The following DNMBP variants were observed in gnomAD, a reference collection of about 807,000 sequenced individuals.
DNMBP encodes the protein dynamin binding protein, also known as dynamin-binding protein.
DNMBP carries 87 observed loss-of-function variants against 150.0 expected under a neutral mutation model. That is an observed-to-expected ratio of 0.58 (90% CI 0.49 to 0.69). DNMBP has a LOEUF of 0.69. Ranked by LOEUF, DNMBP falls within the 30% of genes least tolerant of loss-of-function variation. DNMBP has a pLI of 0.00. For synonymous variants in DNMBP, 711 were observed against 750.4 expected (o/e 0.95, Z 0.86); for missense variants, 1,774 against 1,949.0 (o/e 0.91, Z 1.69).
At chr10:99,926,143 T>A (rs1367815756) in intron 4 of DNMBP, among the ~76,000 whole-genome samples, 2 of 152,188 alleles carry the variant, frequency 1.3e-5, no homozygotes, top group South Asian at 2.1e-4. Context: ...CCCCTTCTCA[T>A]CATAACCATG....
chr10:99,986,920 C>T (rs2040833723), intron 1 of DNMBP, among the ~76,000 whole-genome samples: 1 of 151,950 alleles, frequency 6.6e-6, no homozygotes, highest in Admixed American at 6.6e-5. Context: ...TTTGGGAGGC[C>T]GAGGCGGGCG....
chr10:99,927,159 A>G, intron 4 of DNMBP: 1 of 152,428 alleles, frequency 6.6e-6, no homozygotes, highest in Non-Finnish European at 1.5e-5. Flanking sequence ...AGGGGTGGCA[A>G]GGGGAAGACG....
intron 4 of DNMBP, among the ~76,000 whole-genome samples, chr10:99,942,235 T>G (rs2040308722): frequency 6.6e-6 from 1 of 152,222 alleles, no homozygotes; most frequent in Non-Finnish European, 1.5e-5. Context: ...CTCTGATTTC[T>G]TTTCTCCATA....
intron 1 of DNMBP, among the ~76,000 whole-genome samples, chr10:100,002,566 G>A (rs1208211576): frequency 6.6e-6 from 1 of 152,102 alleles, no homozygotes; most frequent in Admixed American, 6.6e-5. Context: ...CCTGAGTATG[G>A]CTCTTTCTCT....
At chr10:99,932,242 G>GC in intron 4 of DNMBP, among the ~76,000 whole-genome samples, 1 of 152,236 alleles carries the variant, frequency 6.6e-6, no homozygotes, top group East Asian at 1.9e-4. Context: ...TGCCTTATAT[G>GC]CTTTGTTAAT....
intron 3 of DNMBP, among the ~76,000 whole-genome samples, chr10:99,964,181 C>T (rs561981705): frequency 8.2e-6 from 1 of 122,432 alleles, no homozygotes; most frequent in South Asian, 2.7e-4. Context: ...CTTGCTCTGT[C>T]GCCCAGGCTG....
intron 4 of DNMBP, among the ~76,000 whole-genome samples, chr10:99,934,222 A>G (rs1036892739): frequency 1.2e-4 from 18 of 152,190 alleles, no homozygotes; most frequent in African/African-American, 4.3e-4. Context: ...ATATAAAAAT[A>G]CCAGTGTCAG....
intron 3 of DNMBP, among the ~76,000 whole-genome samples, chr10:99,961,267 C>CTTTTTTTTTTT (rs555063019): frequency 3.5e-5 from 3 of 84,724 alleles, no homozygotes; most frequent in Non-Finnish European, 4.4e-5. Context: ...TTCCCTTTTT[C>CTTTTTTTTTTT]TTTTTTTTTT....
intron 4 of DNMBP, among the ~76,000 whole-genome samples, chr10:99,926,369 C>T (rs1237625080): frequency 1.3e-5 from 2 of 152,198 alleles, no homozygotes; most frequent in African/African-American, 2.4e-5. Flanking sequence ...ACTATAGCCT[C>T]GACCTGCCAG....
At chr10:99,880,474 G>A (rs1237646550) in intron 15 of DNMBP, 113 bp from the exon 16 acceptor site, 3 of 1,373,752 alleles carry the variant, frequency 2.2e-6, no homozygotes, top group Admixed American at 2.9e-5. Flanking sequence ...AAAATGAAGA[G>A]TAAAACAAAA....
intron 1 of DNMBP, among the ~76,000 whole-genome samples, chr10:99,998,832 G>A (rs189994143): frequency 2.0e-5 from 3 of 152,164 alleles, no homozygotes; most frequent in East Asian, 3.9e-4. Flanking sequence ...TCTATAAAAC[G>A]GCAAAGGGAG....
At position 99,900,038 on chromosome 10, in the gene DNMBP, C is replaced by T. The variant is rs12260203; in HGVS notation, c.2583G>A (p.Glu861=). The stretch of plus-strand genomic sequence containing the variant: ...AGTAAATCTTGTATGTTCCCTCAAG[C>T]TCATCCCGGTGACCAAGAAACACAG... ...VGPVFLGHRD[E]LEGTYKIYCQ... Residue 861 remains glutamate, a synonymous_variant, in exon 7 of 17, where the codon GAG becomes GAA. Coordinates refer to ENST00000324109, the MANE Select transcript of DNMBP (RefSeq NM_015221.4). 1,382 of 1,614,150 alleles carry T rather than the reference C, an allele frequency of 8.6e-4. 6 individuals are homozygous for T. The African/African-American group carries it at 0.013, about 15-fold the overall frequency.
At chr10:99,888,440 A>C (rs772039065) in intron 12 of DNMBP, among the ~76,000 whole-genome samples, 2 of 152,016 alleles carry the variant, frequency 1.3e-5, no homozygotes, top group Non-Finnish European at 2.9e-5. Context: ...TGAACTCCTG[A>C]CCTCAAGGGA....
chr10:99,877,329 A>T lies in DNMBP; in HGVS notation c.4556T>A (p.Phe1519Tyr), dbSNP rs779842874. The T allele has an allele frequency of 6.2e-7, 1 of 1,610,338 alleles. No homozygotes were observed. The highest frequency in any genetic ancestry group is 2.2e-5 in the East Asian group (1 of 44,670). ...GSEAEGNQVYFAVYTFKARNP... is the reference protein window; with the variant it reads ...GSEAEGNQVYYAVYTFKARNP... Reference sequence around the variant, plus strand: ...TCGTGCCTTGAAGGTGTAGACAGCAAAATAGACCTGTGTGAGGGAGAGAGA... The same window carrying T: ...TCGTGCCTTGAAGGTGTAGACAGCATAATAGACCTGTGTGAGGGAGAGAGA... Residue 1519 changes from phenylalanine to tyrosine, a missense_variant, in exon 17 of 17, where the codon TTT becomes TAT. Around this residue, in one of 2 missense-constraint regions of DNMBP, gnomAD observed 1,430 missense variants for 1,492.5 expected, o/e 0.96. Coordinates refer to ENST00000324109, the MANE Select transcript of DNMBP (RefSeq NM_015221.4).
intron 4 of DNMBP, among the ~76,000 whole-genome samples, chr10:99,941,857 T>C (rs1333122020): frequency 6.6e-6 from 1 of 152,204 alleles, no homozygotes; most frequent in African/African-American, 2.4e-5. Context: ...GCACCTCTCA[T>C]CCCTACTGCT....
intron 2 of DNMBP, among the ~76,000 whole-genome samples, chr10:99,969,800 C>T (rs1468873244): frequency 6.6e-6 from 1 of 152,136 alleles, no homozygotes; most frequent in Admixed American, 6.6e-5. Flanking sequence ...TATTTATCTC[C>T]AGACCCACCA....
chr10:100,002,716 T>G (rs2133390843), intron 1 of DNMBP, among the ~76,000 whole-genome samples: 1 of 152,174 alleles, frequency 6.6e-6, no homozygotes, highest in East Asian at 1.9e-4. Context: ...TATCTTCTGC[T>G]TGAAACAAAG....
intron 3 of DNMBP, among the ~76,000 whole-genome samples, chr10:99,968,245 C>A (rs1164238025): frequency 6.6e-6 from 1 of 152,138 alleles, no homozygotes; most frequent in Non-Finnish European, 1.5e-5. Flanking sequence ...GGATGTTTTG[C>A]ACCTATCTCT....
intron 11 of DNMBP, among the ~76,000 whole-genome samples, chr10:99,894,007 C>A (rs963928531): frequency 6.6e-6 from 1 of 152,004 alleles, no homozygotes; most frequent in Non-Finnish European, 1.5e-5. Flanking sequence ...TAAGGAAATT[C>A]TTTTATAAGA....
Sources: allele counts gnomAD v4.1 joint callset (sites outside exome capture counted in the v4.1 genomes callset), GRCh38; gene constraint gnomAD v4.1.1; regional missense constraint gnomAD v4.1.1; transcripts MANE v1.5; gene names NCBI Gene and HGNC (gene_info 2026-07-23, HGNC 2026-07-21).